Variants in DAB1 observed in about 807,000 individuals in gnomAD.
DAB1 encodes DAB adaptor protein 1.
In DAB1, 15 loss-of-function variants were observed where a neutral mutation model predicts 64.6. The observed-to-expected ratio is 0.23, with a 90% confidence interval of 0.16 to 0.36. The LOEUF is 0.36. Ranked by LOEUF, DAB1 falls within the 10% of genes least tolerant of loss-of-function variation. The pLI is 1.00. For synonymous variants in DAB1, 235 were observed against 251.9 expected (o/e 0.93, Z 0.64); for missense variants, 596 against 706.7 (o/e 0.84, Z 1.78).
intron 6 of DAB1, among the ~76,000 whole-genome samples, chr1:57,670,627 A>C (rs1343976010): frequency 6.6e-6 from 1 of 152,158 alleles, no homozygotes; most frequent in Non-Finnish European, 1.5e-5. Flanking sequence ...GATGAAGAAA[A>C]GGTAGAACAA....
At chr1:57,098,967 G>A (rs1027262328) in intron 4 of DAB1, among the ~76,000 whole-genome samples, 1 of 152,178 alleles carries the variant, frequency 6.6e-6, no homozygotes. Context: ...CTCTGCTACT[G>A]CTTACCCGCA....
intron 2 of DAB1, among the ~76,000 whole-genome samples, chr1:58,510,001 T>C (rs780799910): frequency 9.2e-5 from 14 of 151,844 alleles, no homozygotes; most frequent in Non-Finnish European, 4.4e-5. Flanking sequence ...ATAAAAAACC[T>C]CCCAACAAAG....
chr1:57,882,182 G>A (rs769700149), intron 1 of DAB1, among the ~76,000 whole-genome samples: 1 of 152,246 alleles, frequency 6.6e-6, no homozygotes, highest in Non-Finnish European at 1.5e-5. Flanking sequence ...TGGGGTGAGG[G>A]GAAACAGTGC....
intron 4 of DAB1, among the ~76,000 whole-genome samples, chr1:58,249,810 C>T (rs1253967199): frequency 6.6e-6 from 1 of 152,156 alleles, no homozygotes; most frequent in Non-Finnish European, 1.5e-5. Context: ...TTGGGGGGTT[C>T]CCAGGGGTCG....
At chr1:57,126,655 A>G (rs993340124) in intron 4 of DAB1, among the ~76,000 whole-genome samples, 4 of 152,224 alleles carry the variant, frequency 2.6e-5, no homozygotes, top group African/African-American at 9.6e-5. Context: ...AAGCGTGATC[A>G]TTATCATTAC....
chr1:58,540,888 A>G (rs1324249207), intron 1 of DAB1, among the ~76,000 whole-genome samples: 1 of 152,128 alleles, frequency 6.6e-6, no homozygotes, highest in Non-Finnish European at 1.5e-5. Flanking sequence ...ACAAATTCAA[A>G]AAGTTTAACA....
intron 6 of DAB1, among the ~76,000 whole-genome samples, chr1:57,790,366 G>C (rs1057025542): frequency 1.3e-5 from 2 of 152,176 alleles, no homozygotes; most frequent in Admixed American, 6.5e-5. Flanking sequence ...AGAAGGACAT[G>C]TTTGCTTCCC....
Position 58,313,850 on chromosome 1 carries a change from T to A in DAB1, n.309+29502A>T, listed in dbSNP as rs576282033. On this transcript the variant is annotated intron_variant and non_coding_transcript_variant, in intron 4 of 20. Coordinates refer to the DAB1 transcript ENST00000485760. ...GTGTGTGTGTGTGTGTGTGTGTGTG[T>A]GTGTGTGAGAGAGAGAGAGAGAGAG... Among the ~76,000 whole-genome samples the A allele has an allele frequency of 2.7e-3, 396 of 145,324 alleles. 1 individual carries two copies. The highest frequency in any genetic ancestry group is 9.6e-3 in the African/African-American group (368 of 38,316).
At chr1:57,442,105 G>C (rs952624291) in intron 7 of DAB1, among the ~76,000 whole-genome samples, 2 of 152,190 alleles carry the variant, frequency 1.3e-5, no homozygotes, top group Non-Finnish European at 2.9e-5. Context: ...CTGTGAAGGT[G>C]TGAATTTGGT....
intron 7 of DAB1, among the ~76,000 whole-genome samples, chr1:57,582,330 A>T (rs1645323760): frequency 6.6e-6 from 1 of 152,230 alleles, no homozygotes; most frequent in Non-Finnish European, 1.5e-5. Context: ...AGGAAGCTCC[A>T]GACATTTATC....
intron 9 of DAB1, among the ~76,000 whole-genome samples, chr1:57,041,383 T>C (rs1647769661): frequency 6.6e-6 from 1 of 152,210 alleles, no homozygotes; most frequent in African/African-American, 2.4e-5. Flanking sequence ...TTAGGGAAAC[T>C]GGAGAACACT....
chr1:57,756,789 A>C (rs906154365), intron 6 of DAB1, among the ~76,000 whole-genome samples: 5 of 152,214 alleles, frequency 3.3e-5, no homozygotes, highest in African/African-American at 1.2e-4. Context: ...TAAGTGGTAA[A>C]GCAGGATTTT....
intron 6 of DAB1, among the ~76,000 whole-genome samples, chr1:57,785,243 C>A (rs1484920055): frequency 6.6e-6 from 1 of 152,072 alleles, no homozygotes; most frequent in African/African-American, 2.4e-5. Flanking sequence ...ACATAGTCAT[C>A]CAAGAACTCT....
At chr1:57,082,953 C>T (rs1403449326) in intron 4 of DAB1, among the ~76,000 whole-genome samples, 3 of 152,160 alleles carry the variant, frequency 2.0e-5, no homozygotes, top group Non-Finnish European at 2.9e-5. Context: ...GTACTCCTGA[C>T]TCTCTGGGCC....
At chr1:57,174,869 A>G (rs1208776552) in intron 2 of DAB1, among the ~76,000 whole-genome samples, 2 of 152,178 alleles carry the variant, frequency 1.3e-5, no homozygotes, top group African/African-American at 4.8e-5. Flanking sequence ...GGGATAGTAT[A>G]TAATTAGTTA....
chr1:57,433,386 T>C (rs149415265), intron 7 of DAB1, among the ~76,000 whole-genome samples: 2 of 152,084 alleles, frequency 1.3e-5, no homozygotes, highest in East Asian at 3.9e-4. Flanking sequence ...CAGAAATAGA[T>C]CAATGCAGTC....
chr1:57,260,688 T>C (rs1670117459), intron 2 of DAB1, among the ~76,000 whole-genome samples: 2 of 152,108 alleles, frequency 1.3e-5, no homozygotes, highest in South Asian at 4.1e-4. Context: ...CACAGAGAAG[T>C]CAGGGGACTC....
chr1:57,795,019 A>C (rs1200237678), intron 6 of DAB1, among the ~76,000 whole-genome samples: 6 of 152,372 alleles, frequency 3.9e-5, no homozygotes, highest in Non-Finnish European at 7.3e-5. Flanking sequence ...CCACCCAATC[A>C]GTTGAATCAA....
chr1:58,469,737 T>C (rs991654140), intron 3 of DAB1, among the ~76,000 whole-genome samples: 11 of 152,182 alleles, frequency 7.2e-5, no homozygotes, highest in African/African-American at 1.4e-4. Context: ...GGAGAAGCCA[T>C]TGGGGATTTG....
Sources: allele counts gnomAD v4.1 joint callset (sites outside exome capture counted in the v4.1 genomes callset), GRCh38; gene constraint gnomAD v4.1.1; transcripts MANE v1.5; gene names NCBI Gene and HGNC (gene_info 2026-07-23, HGNC 2026-07-21).